Variants in EPHB1 observed in about 807,000 individuals in gnomAD.
EPHB1 encodes the protein ephrin type-B receptor 1.
A neutral mutation model predicts 94.4 loss-of-function variants in EPHB1; 30 were observed. The observed-to-expected ratio is 0.32, with a 90% CI of 0.24 to 0.43. The LOEUF is 0.43. Ranked by LOEUF, EPHB1 falls within the 20% of genes least tolerant of loss-of-function variation. The pLI is 1.00. For synonymous variants in EPHB1, 522 were observed against 489.1 expected (o/e 1.07, Z -0.89); for missense variants, 1,055 against 1,308.3 (o/e 0.81, Z 2.99).
At chr3:134,916,635 G>A (rs866986547) in intron 1 of EPHB1, among the ~76,000 whole-genome samples, 7 of 152,192 alleles carry the variant, frequency 4.6e-5, no homozygotes, top group African/African-American at 1.2e-4. Flanking sequence ...GGGCTGGCGC[G>A]GCCAGCCGGC....
intron 1 of EPHB1, among the ~76,000 whole-genome samples, chr3:134,905,207 A>C (rs1187483498): frequency 2.6e-5 from 4 of 152,180 alleles, no homozygotes; most frequent in African/African-American, 9.7e-5. Flanking sequence ...GATTGGATGG[A>C]CACTGGGGAT....
chr3:135,115,323 C>T (rs896377469), intron 4 of EPHB1, among the ~76,000 whole-genome samples: 1 of 152,178 alleles, frequency 6.6e-6, no homozygotes, highest in Non-Finnish European at 1.5e-5. Flanking sequence ...GAATGGATGC[C>T]GGAACTTAAT....
At chr3:135,232,041 C>T (rs1057160741) in intron 12 of EPHB1, among the ~76,000 whole-genome samples, 4 of 152,180 alleles carry the variant, frequency 2.6e-5, no homozygotes, top group Non-Finnish European at 4.4e-5. Flanking sequence ...GGAACAGCCT[C>T]TTTATTATAT....
intron 3 of EPHB1, among the ~76,000 whole-genome samples, chr3:135,002,986 C>G (rs536930303): frequency 1.3e-5 from 2 of 152,312 alleles, no homozygotes; most frequent in East Asian, 3.9e-4. Flanking sequence ...TTAGTTATTT[C>G]TTGCCTTCTA....
At position 134,795,546 on chromosome 3, in the gene EPHB1, G is replaced by C; in HGVS notation, c.-86G>C. Reference sequence around the variant, plus strand: ...GAAAGGATACCGAGAAGCCACCCGCGGAGAGCGCAGCGGCGCCCTGGGACG... The same window carrying C: ...GAAAGGATACCGAGAAGCCACCCGCCGAGAGCGCAGCGGCGCCCTGGGACG... On this transcript the variant is annotated 5_prime_UTR_variant, in exon 1 of 16. Coordinates refer to ENST00000398015, the MANE Select transcript of EPHB1 (RefSeq NM_004441.5). 1 of 1,321,898 alleles carries C rather than the reference G, an allele frequency of 7.6e-7. No individual in the cohort carries two copies. The highest frequency in any genetic ancestry group is 1.3e-5 in the South Asian group (1 of 77,276). The allele number at this position is 1,321,898 out of a possible 1,614,324, so 81.9% of individuals were successfully genotyped here.
At chr3:135,166,166 T>C in intron 8 of EPHB1, 90 bp downstream of exon 8, 1 of 891,136 alleles carries the variant, frequency 1.1e-6, no homozygotes, top group Non-Finnish European at 1.8e-6. Flanking sequence ...AGATAGGGTG[T>C]GACCATTCAC....
chr3:135,070,204 C>T (rs1459616134), intron 3 of EPHB1, among the ~76,000 whole-genome samples: 1 of 152,190 alleles, frequency 6.6e-6, no homozygotes, highest in African/African-American at 2.4e-5. Context: ...GTTATGCCTC[C>T]TAGAGCTTCA....
At chr3:135,235,072 G>C (rs1468534310) in intron 12 of EPHB1, among the ~76,000 whole-genome samples, 2 of 152,178 alleles carry the variant, frequency 1.3e-5, no homozygotes, top group African/African-American at 4.8e-5. Context: ...GGAGTCACCT[G>C]GGGAAAGTTT....
At chr3:134,989,997 A>G (rs1232620825) in intron 3 of EPHB1, among the ~76,000 whole-genome samples, 1 of 152,158 alleles carries the variant, frequency 6.6e-6, no homozygotes, top group African/African-American at 2.4e-5. Context: ...TTTTTATTTT[A>G]AGGTTTATAA....
chr3:134,966,759 C>A (rs180942604), intron 3 of EPHB1, among the ~76,000 whole-genome samples: 1 of 152,352 alleles, frequency 6.6e-6, no homozygotes, highest in East Asian at 1.9e-4. Context: ...TCTTGGTTCA[C>A]CTAGTGATTT....
At chr3:135,158,398 C>A (rs776491446) in intron 6 of EPHB1, among the ~76,000 whole-genome samples, 2 of 152,132 alleles carry the variant, frequency 1.3e-5, no homozygotes, top group East Asian at 3.9e-4. Context: ...CTGCTATAGT[C>A]GACTCTGCCT....
intron 1 of EPHB1, among the ~76,000 whole-genome samples, chr3:134,816,832 G>T (rs142509976): frequency 1.3e-5 from 2 of 152,018 alleles, no homozygotes; most frequent in African/African-American, 4.8e-5. Flanking sequence ...CTGACATGAC[G>T]TATCATGGCC....
At chr3:134,914,864 A>G (rs1221963228) in intron 1 of EPHB1, among the ~76,000 whole-genome samples, 2 of 152,156 alleles carry the variant, frequency 1.3e-5, no homozygotes, top group African/African-American at 4.8e-5. Flanking sequence ...AGGAGGGGCC[A>G]CCAGCCTCTC....
At chr3:135,169,169 C>G (rs1011997523) in intron 9 of EPHB1, among the ~76,000 whole-genome samples, 2 of 152,194 alleles carry the variant, frequency 1.3e-5, no homozygotes, top group East Asian at 3.9e-4. Flanking sequence ...CTCAGGCCAA[C>G]AGAGGAAGAT....
In EPHB1 at chr3:135,166,023, G is replaced by A. The variant is rs776531462; in HGVS notation, c.1641G>A (p.Ala547=). ...EQLPLIAGSA[A]AGVVFVVSLV... The stretch of plus-strand genomic sequence containing the variant: ...TGCCCCTGATTGCTGGCTCGGCAGC[G>A]GCCGGGGTCGTGTTCGTTGTGTCCT... The change falls in exon 8 of 16, where the codon GCG becomes GCA. Residue 547 remains alanine, a synonymous_variant. Transcript: ENST00000398015. 4.8e-5 allele frequency: 77 copies of A among 1,613,840 alleles called. No homozygotes were observed. Among genetic ancestry groups the A allele is most frequent in the East Asian group, 3.3e-4 (15 of 44,888 alleles).
intron 3 of EPHB1, among the ~76,000 whole-genome samples, chr3:135,031,908 T>G (rs1936486149): frequency 6.6e-6 from 1 of 152,048 alleles, no homozygotes; most frequent in African/African-American, 2.4e-5. Flanking sequence ...AAAATTTGAA[T>G]ACATTGATTT....
chr3:135,072,232 A>G (rs1478986970), intron 3 of EPHB1, among the ~76,000 whole-genome samples: 2 of 152,116 alleles, frequency 1.3e-5, no homozygotes, highest in Non-Finnish European at 1.5e-5. Flanking sequence ...AATACAAAAA[A>G]TTAGCTGAGT....
intron 1 of EPHB1, among the ~76,000 whole-genome samples, chr3:134,913,762 C>T (rs559038000): frequency 3.1e-4 from 47 of 152,238 alleles, no homozygotes; most frequent in African/African-American, 9.4e-4. Flanking sequence ...TGGCTAGAGC[C>T]CCTTCAACAC....
chr3:134,800,676 G>T (rs1416434854), intron 1 of EPHB1, among the ~76,000 whole-genome samples: 3 of 152,176 alleles, frequency 2.0e-5, no homozygotes, highest in Non-Finnish European at 4.4e-5. Flanking sequence ...AATAGGTCTT[G>T]CCCAACTCTG....
Sources: allele counts gnomAD v4.1 joint callset (sites outside exome capture counted in the v4.1 genomes callset), GRCh38; gene constraint gnomAD v4.1.1; transcripts MANE v1.5; gene names NCBI Gene and HGNC (gene_info 2026-07-23, HGNC 2026-07-21).